Variants in DYNC1LI2 observed in about 807,000 individuals in gnomAD.
The protein encoded by DYNC1LI2 is dynein cytoplasmic 1 light intermediate chain 2, also known as cytoplasmic dynein 1 light intermediate chain 2.
DYNC1LI2 carries 19 observed loss-of-function variants against 57.8 expected under a neutral mutation model. The ratio of observed to expected loss-of-function variants is 0.33; its 90% CI spans 0.23 to 0.48. DYNC1LI2 has a LOEUF of 0.48. Among genes scored for constraint, DYNC1LI2 ranks in the 20% least tolerant of loss-of-function variants. DYNC1LI2 has a pLI of 0.99. For synonymous variants in DYNC1LI2, 256 were observed against 233.4 expected (o/e 1.10, Z -0.88); for missense variants, 470 against 604.2 (o/e 0.78, Z 2.33).
chr16:66,744,991 C>T (rs2017909545), intron 3 of DYNC1LI2, among the ~76,000 whole-genome samples: 1 of 152,178 alleles, frequency 6.6e-6, no homozygotes, highest in South Asian at 2.1e-4. Flanking sequence ...CAACTCATTG[C>T]AATCTCCTAC....
At chr16:66,732,223 A>T in intron 7 of DYNC1LI2, 116 bp downstream of exon 7, 1 of 1,289,602 alleles carries the variant, frequency 7.8e-7, no homozygotes, top group Non-Finnish European at 1.0e-6. Flanking sequence ...AGGTGCAGTG[A>T]GAGAGCTGGC....
intron 4 of DYNC1LI2, 63 bp downstream of exon 4, chr16:66,742,375 G>A: frequency 6.6e-7 from 1 of 1,518,616 alleles, no homozygotes; most frequent in East Asian, 2.3e-5. Flanking sequence ...GAAAAGGAAA[G>A]TGATTCAAAC....
At chr16:66,742,342 G>T in intron 4 of DYNC1LI2, 96 bp downstream of exon 4, 1 of 1,267,140 alleles carries the variant, frequency 7.9e-7, no homozygotes, top group Non-Finnish European at 1.1e-6. Context: ...AAACCACGAA[G>T]CAAGGGAAGC....
chr16:66,745,168 T>C (rs2017913008), intron 3 of DYNC1LI2, among the ~76,000 whole-genome samples: 1 of 152,020 alleles, frequency 6.6e-6, no homozygotes, highest in South Asian at 2.1e-4. Flanking sequence ...CTCAGCCTTG[T>C]TGGGATTACA....
intron 6 of DYNC1LI2, 56 bp downstream of exon 6, chr16:66,734,162 T>C: frequency 6.5e-7 from 1 of 1,547,868 alleles, no homozygotes; most frequent in South Asian, 1.1e-5. Flanking sequence ...TCTTTGAAGA[T>C]GCCCCATTTG....
At position 66,736,097 on chromosome 16, in the gene DYNC1LI2, G is replaced by C. The variant is rs2017728724; in HGVS notation, c.677C>G (p.Pro226Arg). The change falls in exon 5 of 13, where the codon CCG becomes CGG. Residue 226 changes from proline to arginine, a missense_variant. By Grantham distance (103) the Pro-to-Arg change is moderately radical (BLOSUM62 -2). Transcript: ENST00000258198. ...DNVLTHNLGI[P>R]VLVVCTKCDA... ...CACCTTTGTGCACACCACCAACACC[G>C]GGATCCCCAGGTTATGAGTCAGCAC... 1 of 1,613,826 alleles carries C rather than the reference G, an allele frequency of 6.2e-7. No homozygotes were observed. The highest frequency in any genetic ancestry group is 1.3e-5 in the African/African-American group (1 of 74,850).
At chr16:66,740,146 T>C (rs1432892316) in intron 4 of DYNC1LI2, among the ~76,000 whole-genome samples, 6 of 152,190 alleles carry the variant, frequency 3.9e-5, no homozygotes, top group East Asian at 3.9e-4. Flanking sequence ...CTGGTGGCTA[T>C]AGGGGATGCT....
chr16:66,735,036 T>C (rs1439372776), intron 5 of DYNC1LI2, among the ~76,000 whole-genome samples: 1 of 149,360 alleles, frequency 6.7e-6, no homozygotes, highest in Non-Finnish European at 1.5e-5. Context: ...TTAAAACCTA[T>C]TGTTTTTCCT....
chr16:66,734,352 CCTG>C (rs1382183443), intron 5 of DYNC1LI2, 41 bp from the exon 6 acceptor site: 1 of 1,592,018 alleles, frequency 6.3e-7, no homozygotes, highest in Non-Finnish European at 8.6e-7. Flanking sequence ...TGCTTCATTG[CCTG>C]CTGACGATGG....
At chr16:66,728,415 GA>G (rs558402343) in intron 9 of DYNC1LI2, among the ~76,000 whole-genome samples, 173 bp from the exon 10 acceptor site, 1 of 151,780 alleles carries the variant, frequency 6.6e-6, no homozygotes, top group Admixed American at 6.6e-5. Flanking sequence ...GGTATATGGT[GA>G]AAAAAAATAC....
At position 66,721,919 on chromosome 16, in the gene DYNC1LI2, T is replaced by C. The variant is rs879362643; in HGVS notation, c.*1803A>G. 7 of 152,362 alleles carry C rather than the reference T, an allele frequency of 4.6e-5. No homozygotes were observed. Among genetic ancestry groups the C allele is most frequent in the Non-Finnish European group, 5.9e-5 (4 of 68,038 alleles). 9.4% of individuals were successfully genotyped at this position (152,362 alleles called of 1,614,324 possible). A position where few individuals can be genotyped will look rare whatever the true frequency, so the allele number is the denominator to read the frequency against. ...CACCTTTAGTGAGGCCACAAGCTGT[T>C]TGGCATCTATTGGTCACTATACCAC... On this transcript the variant is annotated 3_prime_UTR_variant, in exon 13 of 13. Transcript: ENST00000258198.
At chr16:66,750,412 C>T (rs1159109629) in intron 2 of DYNC1LI2, among the ~76,000 whole-genome samples, 1 of 152,122 alleles carries the variant, frequency 6.6e-6, no homozygotes, top group African/African-American at 2.4e-5. Context: ...CACAATCTGC[C>T]CCCAACTTAC....
rs2017459539 is a variant in DYNC1LI2 at position 66,722,169 on chromosome 16, CAAAG to C, written c.*1549_*1552del. 6.6e-6 allele frequency: 1 copy of C among 152,626 alleles called. No homozygotes were observed. The highest frequency in any genetic ancestry group is 2.1e-4 in the South Asian group (1 of 4,830). The allele number at this position is 152,626 out of a possible 1,614,324, so 9.5% of individuals were successfully genotyped here. A position where few individuals can be genotyped will look rare whatever the true frequency, so the allele number is the denominator to read the frequency against. On this transcript the variant is annotated 3_prime_UTR_variant, in exon 13 of 13. Transcript: ENST00000258198. ...TACGAAAGCAATTCAAGAAAGTCTTCAAAGAGTCTTGACACAACATAGGATATTA... is the reference window on the plus strand; with the variant it reads ...TACGAAAGCAATTCAAGAAAGTCTTCAGTCTTGACACAACATAGGATATTA...
rs748626038 is a variant in DYNC1LI2, at chr16:66,736,065, T to C, written c.699+10A>G. 3 of 1,611,076 alleles carry C rather than the reference T, an allele frequency of 1.9e-6. No homozygotes were observed. Among genetic ancestry groups the C allele is most frequent in the Non-Finnish European group, 2.5e-6 (3 of 1,177,598 alleles). The stretch of plus-strand genomic sequence containing the variant: ...GAACCCAGCCAAGCCAACAACCCCC[T>C]GGCACACACCTTTGTGCACACCACC... On this transcript the variant is annotated intron_variant, in intron 5 of 12. Coordinates refer to ENST00000258198, the MANE Select transcript of DYNC1LI2 (RefSeq NM_006141.3).
chr16:66,725,572 T>A (rs1269172260), intron 12 of DYNC1LI2, among the ~76,000 whole-genome samples: 1 of 152,210 alleles, frequency 6.6e-6, no homozygotes, highest in Non-Finnish European at 1.5e-5. Context: ...ATTTAGGCTA[T>A]ACCTCAACTC....
intron 4 of DYNC1LI2, among the ~76,000 whole-genome samples, chr16:66,740,831 C>G (rs1417230255): frequency 1.3e-5 from 2 of 152,232 alleles, no homozygotes; most frequent in South Asian, 2.1e-4. Flanking sequence ...TCCCAGGGCT[C>G]TAATTTCCAG....
chr16:66,750,235 G>C (rs2018018576), intron 2 of DYNC1LI2, among the ~76,000 whole-genome samples: 2 of 152,094 alleles, frequency 1.3e-5, no homozygotes, highest in Non-Finnish European at 2.9e-5. Context: ...ATCTCTAAGG[G>C]TCCGGTATTA....
At chr16:66,747,714 C>A (rs1416352992) in intron 3 of DYNC1LI2, among the ~76,000 whole-genome samples, 1 of 151,768 alleles carries the variant, frequency 6.6e-6, no homozygotes, top group East Asian at 1.9e-4. Flanking sequence ...GGGCTACAGG[C>A]ATGCACCACC....
chr16:66,743,224 G>A (rs939358005), intron 3 of DYNC1LI2, among the ~76,000 whole-genome samples: 1 of 151,090 alleles, frequency 6.6e-6, no homozygotes, highest in Non-Finnish European at 1.5e-5. Context: ...TAATATAGGA[G>A]GTGTTCACAC....
Sources: allele counts gnomAD v4.1 joint callset (sites outside exome capture counted in the v4.1 genomes callset), GRCh38; gene constraint gnomAD v4.1.1; transcripts MANE v1.5; gene names NCBI Gene and HGNC (gene_info 2026-07-23, HGNC 2026-07-21).